The following KLHL12 variants were observed in gnomAD, a reference collection of about 807,000 sequenced individuals.
The protein encoded by KLHL12 is kelch-like protein 12.
Under a neutral mutation model 60.8 loss-of-function variants are expected in KLHL12, and 17 were observed. That is an observed-to-expected ratio of 0.28 (90% CI 0.19 to 0.42). KLHL12 has a LOEUF of 0.42. Ranked by LOEUF, KLHL12 falls within the 10% of genes least tolerant of loss-of-function variation. KLHL12 has a pLI of 1.00. For missense variants in KLHL12, 468 were observed against 722.3 expected, an observed-to-expected ratio of 0.65 and a Z score of 4.04; for synonymous variants, 220 against 250.9, an observed-to-expected ratio of 0.88 and a Z score of 1.16.
At position 202,918,159 on chromosome 1, in the gene KLHL12, A is replaced by C; in HGVS notation, c.567+12T>G. Reference sequence around the variant, plus strand: ...ATCTTGAAGAAACCATAACATCAAGACAAATCCGTACCTGAATTTCGTCGC... The same window carrying C: ...ATCTTGAAGAAACCATAACATCAAGCCAAATCCGTACCTGAATTTCGTCGC... On this transcript the variant is annotated intron_variant, in intron 4 of 11. Coordinates refer to ENST00000367261, the MANE Select transcript of KLHL12 (RefSeq NM_021633.4). The C allele has an allele frequency of 1.3e-6, 2 of 1,596,770 alleles. No homozygotes were observed. Among genetic ancestry groups the C allele is most frequent in the East Asian group, 2.2e-5 (1 of 44,784 alleles).
intron 4 of KLHL12, among the ~76,000 whole-genome samples, chr1:202,915,906 G>T (rs1210697528): frequency 6.6e-6 from 1 of 152,202 alleles, no homozygotes; most frequent in Non-Finnish European, 1.5e-5. Flanking sequence ...AATGTTCTGG[G>T]CACACAGTAA....
At chr1:202,915,342 A>T (rs974753477) in intron 4 of KLHL12, among the ~76,000 whole-genome samples, 3 of 152,162 alleles carry the variant, frequency 2.0e-5, no homozygotes, top group African/African-American at 7.2e-5. Flanking sequence ...TATTTTATTT[A>T]ATAAGAGGGA....
Position 202,909,294 on chromosome 1 carries a change from AT to A in KLHL12, c.718-171del, listed in dbSNP as rs1167905406. 7.1e-5 allele frequency: 33 copies of A among 467,410 alleles called. 1 individual carries two copies. Among genetic ancestry groups the A allele is most frequent in the Admixed American group, 6.2e-4 (16 of 25,686 alleles). The allele number at this position is 467,410 out of a possible 1,614,324, so 29.0% of individuals were successfully genotyped here. A position where few individuals can be genotyped will look rare whatever the true frequency, so the allele number is the denominator to read the frequency against. ...ACCATGCTCTCGGTTTCCAGAAATGATTTTTAAAATTTACTTGAAAAATAGA... is the reference window on the plus strand; with the variant it reads ...ACCATGCTCTCGGTTTCCAGAAATGATTTTAAAATTTACTTGAAAAATAGA... On this transcript the variant is annotated intron_variant, in intron 5 of 11. Coordinates refer to ENST00000367261, the MANE Select transcript of KLHL12 (RefSeq NM_021633.4). The surrounding 1 kb of genome is among the most constrained non-coding windows in gnomAD (Gnocchi z 4.1).
chr1:202,912,988 AT>A (rs200261542), intron 4 of KLHL12, among the ~76,000 whole-genome samples: 4,795 of 144,888 alleles, frequency 0.033, 162 homozygotes, highest in South Asian at 0.11. Flanking sequence ...TTTAATGCAG[AT>A]TTTTTTTTTT....
chr1:202,921,375 A>C (rs566795540), intron 2 of KLHL12, among the ~76,000 whole-genome samples: 18 of 151,996 alleles, frequency 1.2e-4, no homozygotes, highest in Admixed American at 5.2e-4. Flanking sequence ...GGGTTTCACC[A>C]TGTTGGCCAG....
At chr1:202,911,696 C>G (rs941990143) in intron 4 of KLHL12, 4 of 552,794 alleles carry the variant, frequency 7.2e-6, no homozygotes, top group Non-Finnish European at 1.3e-5. Context: ...ACCCAAGCCT[C>G]TGAAGCAGGA....
intron 6 of KLHL12, among the ~76,000 whole-genome samples, chr1:202,902,908 G>A (rs1571521744): frequency 1.3e-5 from 2 of 152,044 alleles, no homozygotes; most frequent in African/African-American, 4.8e-5. Context: ...TGAGGTGGGA[G>A]GATCACTTGA....
At chr1:202,914,864 TAA>T (rs547996937) in intron 4 of KLHL12, 97 of 109,832 alleles carry the variant, frequency 8.8e-4, no homozygotes, top group East Asian at 1.4e-3. Context: ...AAACTCCGTC[TAA>T]AAAAAAAAAA....
chr1:202,898,428 G>C (rs942280201), intron 6 of KLHL12, among the ~76,000 whole-genome samples: 16 of 152,302 alleles, frequency 1.1e-4, no homozygotes, highest in African/African-American at 3.1e-4. Flanking sequence ...TAATGGATTT[G>C]ACAATTATCA....
rs531048195 is a variant in KLHL12 at position 202,898,029 on chromosome 1, A to G, written c.833-1069T>C. Among the ~76,000 whole-genome samples, 15 of 152,120 alleles carry G rather than the reference A, an allele frequency of 9.9e-5. No individual in the cohort carries two copies. In the South Asian group the frequency reaches 3.1e-3, roughly 32 times the overall value. Reference sequence around the variant, plus strand: ...CAAAGAAGCTATTCTGACAGCCTTTATATCTTCCCCTTCCCCTAACGCCTT... The same window carrying G: ...CAAAGAAGCTATTCTGACAGCCTTTGTATCTTCCCCTTCCCCTAACGCCTT... On this transcript the variant is annotated intron_variant, in intron 6 of 11. Transcript: ENST00000367261.
At chr1:202,910,888 T>C (rs1183886443) in intron 5 of KLHL12, among the ~76,000 whole-genome samples, 166 bp downstream of exon 5, 1 of 152,214 alleles carries the variant, frequency 6.6e-6, no homozygotes, top group Non-Finnish European at 1.5e-5. Context: ...AAATTCGCTT[T>C]TCTTAGAAAT....
chr1:202,927,348 A>C (rs1653636869), upstream of KLHL12: 1 of 859,738 alleles, frequency 1.2e-6, no homozygotes. Flanking sequence ...TCTGTACCCT[A>C]GCGCGGGGCT....
intron 2 of KLHL12, 105 bp from the exon 3 acceptor site, chr1:202,920,013 T>A: frequency 9.2e-7 from 1 of 1,085,568 alleles, no homozygotes; most frequent in Non-Finnish European, 1.3e-6. Flanking sequence ...TAATTGAACA[T>A]TTATCTTTAA....
intron 2 of KLHL12, 87 bp downstream of exon 2, chr1:202,924,881 A>G (rs763268602): frequency 7.4e-6 from 11 of 1,487,194 alleles, no homozygotes; most frequent in Admixed American, 6.7e-5. Context: ...ATTCAAAATT[A>G]TATCAAACTT....
At chr1:202,911,864 T>C (rs1331469759) in intron 4 of KLHL12, 21 of 835,430 alleles carry the variant, frequency 2.5e-5, no homozygotes, top group East Asian at 1.2e-4. Flanking sequence ...AAGCTCTTCA[T>C]TGGAGGGTTG....
intron 2 of KLHL12, among the ~76,000 whole-genome samples, chr1:202,923,074 C>T (rs12037706): frequency 6.6e-6 from 1 of 152,192 alleles, no homozygotes; most frequent in Non-Finnish European, 1.5e-5. Context: ...GAATCCAGGT[C>T]TCTGGACTCT....
intron 2 of KLHL12, among the ~76,000 whole-genome samples, chr1:202,922,409 T>C (rs1254869907): frequency 1.5e-5 from 1 of 68,284 alleles, no homozygotes; most frequent in Non-Finnish European, 3.2e-5. Context: ...CCACTAAAAA[T>C]ACAAAAAATT....
In KLHL12 at chr1:202,895,756, T is replaced by C; in HGVS notation, c.940-39A>G. On this transcript the variant is annotated intron_variant, in intron 7 of 11. Transcript: ENST00000367261. The surrounding 1 kb of genome is among the most constrained non-coding windows in gnomAD (Gnocchi z 4.2). ...GAGAAGAGGTACAGAGCATTTCAGTTAGGCAAGTTTTGGGCCTTACCTTTT... is the reference window on the plus strand; with the variant it reads ...GAGAAGAGGTACAGAGCATTTCAGTCAGGCAAGTTTTGGGCCTTACCTTTT... 1.3e-6 allele frequency: 2 copies of C among 1,568,236 alleles called. No individual in the cohort carries two copies. Among genetic ancestry groups the C allele is most frequent in the Non-Finnish European group, 1.7e-6 (2 of 1,145,024 alleles).
At chr1:202,905,698 C>T (rs1660160122) in intron 6 of KLHL12, among the ~76,000 whole-genome samples, 1 of 152,164 alleles carries the variant, frequency 6.6e-6, no homozygotes, top group African/African-American at 2.4e-5. Flanking sequence ...ATTCAGAAAC[C>T]CCAAATCCAA....
Sources: gnomAD v4.1 joint callset for allele counts (sites outside exome capture counted in the v4.1 genomes callset) on GRCh38, gnomAD v4.1.1 for gene constraint, Gnocchi (gnomAD v3.1) non-coding constraint, MANE v1.5 for transcripts, NCBI Gene and HGNC (gene_info 2026-07-23, HGNC 2026-07-21) for gene names.